The following KCNIP4 variants were observed in gnomAD, a reference collection of about 807,000 sequenced individuals.
The protein encoded by KCNIP4 is Kv channel-interacting protein 4.
KCNIP4 carries 12 observed loss-of-function variants against 34.0 expected under a neutral mutation model. The ratio of observed to expected loss-of-function variants is 0.35; its 90% confidence interval spans 0.23 to 0.57. KCNIP4 has a LOEUF of 0.57. Among genes scored for constraint, KCNIP4 ranks in the 20% least tolerant of loss-of-function variants. The pLI is 0.83. For missense variants in KCNIP4, 238 were observed against 311.7 expected (o/e 0.76, Z 1.78); for synonymous variants, 124 against 102.2 (o/e 1.21, Z -1.29).
intron 1 of KCNIP4, among the ~76,000 whole-genome samples, chr4:21,783,780 G>C (rs977458196): frequency 6.6e-6 from 1 of 152,114 alleles, no homozygotes; most frequent in Non-Finnish European, 1.5e-5. Context: ...TGGGTAAACA[G>C]AGCTTAATCC....
intron 1 of KCNIP4, among the ~76,000 whole-genome samples, chr4:21,435,283 T>G (rs941479281): frequency 6.6e-6 from 1 of 152,182 alleles, no homozygotes; most frequent in Non-Finnish European, 1.5e-5. Context: ...TGGGTGAAGC[T>G]TTTTAAAAGA....
At chr4:20,953,621 G>T (rs770542894) in intron 1 of KCNIP4, among the ~76,000 whole-genome samples, 16 of 152,146 alleles carry the variant, frequency 1.1e-4, no homozygotes, top group Admixed American at 2.0e-4. Flanking sequence ...GGCAGAAGTT[G>T]CAGGGAGCTG....
At chr4:21,305,870 C>T (rs377382553) in intron 1 of KCNIP4, among the ~76,000 whole-genome samples, 9 of 152,302 alleles carry the variant, frequency 5.9e-5, no homozygotes, top group African/African-American at 1.9e-4. Flanking sequence ...TCAAATCTCT[C>T]TTTTTTGTGT....
intron 1 of KCNIP4, among the ~76,000 whole-genome samples, chr4:20,988,664 A>G (rs2149702764): frequency 6.6e-6 from 1 of 152,358 alleles, no homozygotes; most frequent in Non-Finnish European, 1.5e-5. Flanking sequence ...TGTATATAGA[A>G]ACTAGTTAAG....
intron 1 of KCNIP4, among the ~76,000 whole-genome samples, chr4:20,959,401 A>G (rs1177863115): frequency 1.3e-5 from 2 of 152,218 alleles, no homozygotes; most frequent in African/African-American, 4.8e-5. Context: ...GAAATTGTAC[A>G]CAAGTTTAAG....
At chr4:20,931,982 A>G (rs1266657371) in intron 1 of KCNIP4, among the ~76,000 whole-genome samples, 20 of 63,404 alleles carry the variant, frequency 3.2e-4, no homozygotes, top group African/African-American at 1.6e-3. Context: ...ATAATAGTCT[A>G]TAACAGTCTA....
At chr4:21,874,799 T>A (rs1018236688) in intron 1 of KCNIP4, among the ~76,000 whole-genome samples, 1 of 152,206 alleles carries the variant, frequency 6.6e-6, no homozygotes. Flanking sequence ...TTTTTACTAT[T>A]TTTACTACCT....
intron 3 of KCNIP4, among the ~76,000 whole-genome samples, chr4:20,767,622 A>T (rs1364469754): frequency 2.0e-5 from 3 of 152,204 alleles, no homozygotes; most frequent in Non-Finnish European, 2.9e-5. Context: ...CTGCAGTGGT[A>T]TGCAAATCAC....
intron 1 of KCNIP4, among the ~76,000 whole-genome samples, chr4:21,626,820 G>C (rs1380274748): frequency 6.6e-6 from 1 of 152,002 alleles, no homozygotes; most frequent in Non-Finnish European, 1.5e-5. Context: ...CACATGATTG[G>C]CTGCACCTTT....
chr4:21,074,875 C>T (rs971919594), intron 1 of KCNIP4, among the ~76,000 whole-genome samples: 1 of 152,128 alleles, frequency 6.6e-6, no homozygotes, highest in African/African-American at 2.4e-5. Context: ...ATCTTTATTT[C>T]TGCCTTCATT....
At chr4:20,999,184 G>A (rs1177282193) in intron 1 of KCNIP4, among the ~76,000 whole-genome samples, 1 of 152,142 alleles carries the variant, frequency 6.6e-6, no homozygotes, top group African/African-American at 2.4e-5. Context: ...TACTTATAGA[G>A]CAAACAGTGG....
intron 1 of KCNIP4, among the ~76,000 whole-genome samples, chr4:21,150,897 CAGT>C (rs1752706643): frequency 6.6e-6 from 1 of 152,166 alleles, no homozygotes; most frequent in Non-Finnish European, 1.5e-5. Flanking sequence ...TTAATCAACA[CAGT>C]AGTTAATGAA....
chr4:21,097,219 T>G (rs1747539907), intron 1 of KCNIP4, among the ~76,000 whole-genome samples: 1 of 152,098 alleles, frequency 6.6e-6, no homozygotes, highest in African/African-American at 2.4e-5. Context: ...AGTGAATGGA[T>G]AAACAAAATG....
chr4:20,911,894 CT>C (rs1728363196), intron 1 of KCNIP4, among the ~76,000 whole-genome samples: 1 of 152,142 alleles, frequency 6.6e-6, no homozygotes, highest in Non-Finnish European at 1.5e-5. Context: ...GAATTTTTGC[CT>C]TCAAATAATT....
intron 1 of KCNIP4, among the ~76,000 whole-genome samples, chr4:21,835,624 C>T (rs1172868508): frequency 6.6e-6 from 1 of 151,794 alleles, no homozygotes; most frequent in Non-Finnish European, 1.5e-5. Flanking sequence ...TTTTAACTAA[C>T]AATCTTACTT....
intron 1 of KCNIP4, among the ~76,000 whole-genome samples, chr4:21,002,838 G>A (rs1344726971): frequency 6.6e-6 from 1 of 152,160 alleles, no homozygotes; most frequent in Non-Finnish European, 1.5e-5. Flanking sequence ...TCTGAGATAA[G>A]TCCTTTAACC....
chr4:21,676,763 G>A (rs1368658643), intron 1 of KCNIP4, among the ~76,000 whole-genome samples: 1 of 152,088 alleles, frequency 6.6e-6, no homozygotes, highest in African/African-American at 2.4e-5. Flanking sequence ...ATGGGACTCA[G>A]TAAAGTTGGA....
chr4:21,108,202 A>C (rs957254987), intron 1 of KCNIP4, among the ~76,000 whole-genome samples: 9 of 150,496 alleles, frequency 6.0e-5, no homozygotes, highest in African/African-American at 2.0e-4. Context: ...GTGTTTTCCA[A>C]CTTGGTTCCA....
chr4:21,064,484 A>G (rs774386580), intron 1 of KCNIP4, among the ~76,000 whole-genome samples: 5 of 152,044 alleles, frequency 3.3e-5, no homozygotes, highest in Non-Finnish European at 7.4e-5. Flanking sequence ...AGACCAAACT[A>G]TAAGTCCTGG....
Sources: allele counts gnomAD v4.1 joint callset (sites outside exome capture counted in the v4.1 genomes callset), GRCh38; gene constraint gnomAD v4.1.1; transcripts MANE v1.5; gene names NCBI Gene and HGNC (gene_info 2026-07-23, HGNC 2026-07-21).